CEP112: variants seen among roughly 807,000 people sequenced by gnomAD.
The protein encoded by CEP112 is centrosomal protein 112.
Under a neutral mutation model 153.0 loss-of-function variants are expected in CEP112, and 127 were observed. That is an observed-to-expected ratio of 0.83 (90% confidence interval 0.72 to 0.96). CEP112 has a LOEUF of 0.96. Ranked by LOEUF, CEP112 falls within the 40% of genes least tolerant of loss-of-function variation. CEP112 has a pLI of 0.00. For missense variants in CEP112, 1,089 were observed against 1,101.2 expected (o/e 0.99, Z 0.16); for synonymous variants, 358 against 374.4 (o/e 0.96, Z 0.51).
intron 6 of CEP112, among the ~76,000 whole-genome samples, chr17:66,113,914 T>G (rs2146396933): frequency 6.6e-6 from 1 of 152,342 alleles, no homozygotes; most frequent in South Asian, 2.1e-4. Context: ...TGTTCCCACT[T>G]TGTAATCCAC....
intron 21 of CEP112, among the ~76,000 whole-genome samples, chr17:65,831,668 T>C (rs1474995325): frequency 6.7e-6 from 1 of 149,560 alleles, no homozygotes; most frequent in Non-Finnish European, 1.5e-5. Flanking sequence ...GACAAGGAAA[T>C]TGAAATAAAT....
intron 4 of CEP112, among the ~76,000 whole-genome samples, chr17:66,153,616 C>T (rs2071302760): frequency 6.6e-6 from 1 of 152,074 alleles, no homozygotes; most frequent in Non-Finnish European, 1.5e-5. Flanking sequence ...GCACACATCA[C>T]ATTTATATGC....
At chr17:65,751,421 G>T (rs564853990) in intron 21 of CEP112, among the ~76,000 whole-genome samples, 2 of 152,192 alleles carry the variant, frequency 1.3e-5, no homozygotes, top group East Asian at 3.9e-4. Flanking sequence ...CATCGTCAAG[G>T]TTTAAAAATG....
At chr17:65,837,925 C>A (rs1363541812) in intron 21 of CEP112, among the ~76,000 whole-genome samples, 2 of 152,092 alleles carry the variant, frequency 1.3e-5, no homozygotes, top group African/African-American at 4.8e-5. Context: ...TCCCTAATCT[C>A]AAGTACCCAG....
At chr17:66,126,860 C>T (rs557347731) in intron 6 of CEP112, among the ~76,000 whole-genome samples, 2 of 152,226 alleles carry the variant, frequency 1.3e-5, no homozygotes, top group South Asian at 4.2e-4. Flanking sequence ...AAAAATGTAT[C>T]CGTAGTCCAG....
chr17:65,903,188 C>T (rs2059938885), intron 19 of CEP112: 1 of 152,240 alleles, frequency 6.6e-6, no homozygotes, highest in African/African-American at 2.4e-5. Context: ...CCAGGCCACA[C>T]AGCTGCTAAG....
chr17:65,935,940 C>G (rs2061290657), intron 18 of CEP112, among the ~76,000 whole-genome samples: 2 of 151,280 alleles, frequency 1.3e-5, no homozygotes, highest in Non-Finnish European at 3.0e-5. Flanking sequence ...ACTAGAAAAA[C>G]AATAAAAAAG....
intron 1 of CEP112, among the ~76,000 whole-genome samples, chr17:66,190,552 T>A (rs2073125568): frequency 6.6e-6 from 1 of 152,096 alleles, no homozygotes; most frequent in African/African-American, 2.4e-5. Flanking sequence ...GACGTTGCAG[T>A]GAGCGTGAGC....
intron 19 of CEP112, among the ~76,000 whole-genome samples, chr17:65,923,555 T>A (rs2060810425): frequency 6.6e-6 from 1 of 152,074 alleles, no homozygotes; most frequent in African/African-American, 2.4e-5. Flanking sequence ...TAAGAAAAAA[T>A]ATATATAATA....
At chr17:65,878,283 C>T (rs2146567741) in intron 20 of CEP112, among the ~76,000 whole-genome samples, 1 of 152,158 alleles carries the variant, frequency 6.6e-6, no homozygotes, top group South Asian at 2.1e-4. Flanking sequence ...GTGATTATTC[C>T]ACAATGTATA....
intron 6 of CEP112, among the ~76,000 whole-genome samples, chr17:66,112,173 C>T (rs560880185): frequency 3.6e-4 from 54 of 152,030 alleles, no homozygotes; most frequent in African/African-American, 1.3e-3. Context: ...CACCTGTAGT[C>T]CCAGCTACTC....
In CEP112 at chr17:65,743,072, A is replaced by G; in HGVS notation, c.2603T>C (p.Ile868Thr). ...KQLIRDNDQA[I>T]KVLQDELENR... ...TTACTGAAGTCTTCAGATTACCTTGATTGCTTGGTCATTATCTCTAATCAG... is the reference window on the plus strand; with the variant it reads ...TTACTGAAGTCTTCAGATTACCTTGGTTGCTTGGTCATTATCTCTAATCAG... The change falls in exon 23 of 27, where the codon ATC becomes ACC. Residue 868 changes from isoleucine (I) to threonine (T), a missense_variant. Coordinates refer to ENST00000535342, the MANE Select transcript of CEP112 (RefSeq NM_001199165.4). The G allele has an allele frequency of 6.2e-7, 1 of 1,606,314 alleles. No individual in the cohort carries two copies. The highest frequency in any genetic ancestry group is 8.5e-7 in the Non-Finnish European group (1 of 1,177,128).
intron 16 of CEP112, among the ~76,000 whole-genome samples, chr17:66,017,552 A>G (rs2145585017): frequency 6.6e-6 from 1 of 152,230 alleles, no homozygotes; most frequent in East Asian, 1.9e-4. Flanking sequence ...ATATATCTGT[A>G]TTGTTTAAGA....
chr17:65,977,947 C>T (rs561935689), intron 17 of CEP112, among the ~76,000 whole-genome samples: 8 of 152,154 alleles, frequency 5.3e-5, no homozygotes, highest in Middle Eastern at 3.4e-3. Flanking sequence ...TGGTGGCAGG[C>T]ACCTGTAATC....
chr17:65,962,437 A>C (rs2062239129), intron 17 of CEP112, among the ~76,000 whole-genome samples: 1 of 152,212 alleles, frequency 6.6e-6, no homozygotes, highest in Non-Finnish European at 1.5e-5. Flanking sequence ...TTCATACCTT[A>C]GGCGGAAACT....
chr17:66,076,952 T>G (rs952468499), intron 8 of CEP112, among the ~76,000 whole-genome samples: 1 of 152,066 alleles, frequency 6.6e-6, no homozygotes, highest in Non-Finnish European at 1.5e-5. Context: ...AGAAGAGAGA[T>G]AACCATCACT....
At chr17:65,927,145 T>TTCTC (rs148902487) in intron 19 of CEP112, among the ~76,000 whole-genome samples, 1 of 149,964 alleles carries the variant, frequency 6.7e-6, no homozygotes, top group African/African-American at 2.4e-5. Flanking sequence ...ACCTCCTCGC[T>TTCTC]TCTCTCTCTC....
intron 12 of CEP112, among the ~76,000 whole-genome samples, chr17:66,033,490 A>G (rs1598174476): frequency 6.6e-6 from 1 of 152,070 alleles, no homozygotes; most frequent in Non-Finnish European, 1.5e-5. Context: ...CCTCTCATTT[A>G]CTATACTCCA....
At chr17:66,117,911 TACTC>T (rs2069376923) in intron 6 of CEP112, among the ~76,000 whole-genome samples, 1 of 151,808 alleles carries the variant, frequency 6.6e-6, no homozygotes, top group African/African-American at 2.4e-5. Flanking sequence ...ATGAAAAAAA[TACTC>T]AAATCATTAA....
Sources: allele counts gnomAD v4.1 joint callset (sites outside exome capture counted in the v4.1 genomes callset), GRCh38; gene constraint gnomAD v4.1.1; transcripts MANE v1.5; gene names NCBI Gene and HGNC (gene_info 2026-07-23, HGNC 2026-07-21).